The following OR51B5 variants were observed in gnomAD, a reference collection of about 807,000 sequenced individuals.
The protein encoded by OR51B5 is olfactory receptor 51B5.
For synonymous variants in OR51B5, 186 were observed against 144.8 expected, an observed-to-expected ratio of 1.28 and a Z score of -2.04; for missense variants, 456 against 374.6, an observed-to-expected ratio of 1.22 and a Z score of -1.79.
At chr11:5,505,216 G>A (rs1297549153) in intron 1 of OR51B5, 1 of 948,530 alleles carries the variant, frequency 1.1e-6, no homozygotes, top group East Asian at 6.8e-5. Flanking sequence ...TGGCTCAAAT[G>A]GAAGGCAGAT....
intron 1 of OR51B5, among the ~76,000 whole-genome samples, chr11:5,374,883 A>T: frequency 6.6e-6 from 1 of 152,038 alleles, no homozygotes; most frequent in African/African-American, 2.4e-5. Flanking sequence ...TGACGGGGAG[A>T]ATCGAACCAA....
At chr11:5,368,589 G>A (rs10500638) in intron 1 of OR51B5, among the ~76,000 whole-genome samples, 90,269 of 151,932 alleles carry the variant, frequency 0.59, 26,931 homozygotes, top group South Asian at 0.7. Context: ...TCTCACAATC[G>A]TAATACTTGA....
intron 1 of OR51B5, among the ~76,000 whole-genome samples, chr11:5,399,265 A>G (rs1030183740): frequency 6.6e-6 from 1 of 152,212 alleles, no homozygotes; most frequent in Non-Finnish European, 1.5e-5. Context: ...TGGTCTGAGT[A>G]TCAGTGAGCC....
intron 1 of OR51B5, among the ~76,000 whole-genome samples, chr11:5,503,193 T>C (rs1846322372): frequency 6.6e-6 from 1 of 152,170 alleles, no homozygotes; most frequent in South Asian, 2.1e-4. Flanking sequence ...ATTAGAAGAG[T>C]AGAGGCTTTG....
chr11:5,482,143 G>A lies in OR51B5; in HGVS notation n.84+23426C>T, dbSNP rs1440126108. On this transcript the variant is annotated intron_variant and non_coding_transcript_variant, in intron 1 of 4. Coordinates refer to the OR51B5 transcript ENST00000415970. ...ACAATAACCAAAACAGCATGGTACT[G>A]GTACCAAAACAGAGATATAGATCAA... Among the ~76,000 whole-genome samples, 4 of 114,558 alleles carry A rather than the reference G, an allele frequency of 3.5e-5. 1 individual carries two copies. The highest frequency in any genetic ancestry group is 5.1e-5 in the Non-Finnish European group (3 of 58,268). 75.2% of individuals were successfully genotyped at this position (114,558 alleles called of 152,430 possible). A position where few individuals can be genotyped will look rare whatever the true frequency, so the allele number is the denominator to read the frequency against.
intron 1 of OR51B5, among the ~76,000 whole-genome samples, chr11:5,438,362 C>CG (rs1491275319): frequency 1.6e-5 from 2 of 125,694 alleles, no homozygotes; most frequent in African/African-American, 5.5e-5. Context: ...AACACCCCCC[C>CG]CCAGTTATCC....
chr11:5,488,948 T>C (rs1299677897), intron 1 of OR51B5: 1 of 1,614,122 alleles, frequency 6.2e-7, no homozygotes, highest in South Asian at 1.1e-5. Flanking sequence ...TCTACCACTG[T>C]GCCCAAGATG....
intron 1 of OR51B5, among the ~76,000 whole-genome samples, chr11:5,426,733 C>A (rs1009793935): frequency 6.6e-6 from 1 of 152,106 alleles, no homozygotes; most frequent in Non-Finnish European, 1.5e-5. Flanking sequence ...AAACCAAGGT[C>A]TCTCTCTGTC....
chr11:5,414,286 T>C (rs1008483606), intron 1 of OR51B5, among the ~76,000 whole-genome samples: 4 of 149,252 alleles, frequency 2.7e-5, no homozygotes, highest in Non-Finnish European at 6.0e-5. Flanking sequence ...AAGGAAGCAC[T>C]AAACATGGAA....
chr11:5,486,661 C>T (rs1022036852), intron 1 of OR51B5, among the ~76,000 whole-genome samples: 2 of 152,134 alleles, frequency 1.3e-5, no homozygotes, highest in African/African-American at 4.8e-5. Context: ...CTCTCCTCTG[C>T]ATTTTAAACC....
chr11:5,427,432 G>A (rs1850467446), intron 1 of OR51B5, among the ~76,000 whole-genome samples: 1 of 152,188 alleles, frequency 6.6e-6, no homozygotes, highest in African/African-American at 2.4e-5. Flanking sequence ...AGACACAAGG[G>A]GAAAAGCCTT....
At chr11:5,500,603 G>A (rs549340387) in intron 1 of OR51B5, among the ~76,000 whole-genome samples, 12 of 147,946 alleles carry the variant, frequency 8.1e-5, no homozygotes, top group East Asian at 2.0e-4. Flanking sequence ...AAGCCGCTTC[G>A]ACGAGGACAT....
At chr11:5,424,405 C>T (rs1850410871) in intron 1 of OR51B5, among the ~76,000 whole-genome samples, 4 of 152,092 alleles carry the variant, frequency 2.6e-5, no homozygotes, top group Admixed American at 2.6e-4. Context: ...TGAAAGAGTC[C>T]TGCTACCAGG....
chr11:5,464,051 T>A (rs551952310), intron 1 of OR51B5, among the ~76,000 whole-genome samples: 1 of 152,296 alleles, frequency 6.6e-6, no homozygotes, highest in East Asian at 1.9e-4. Flanking sequence ...GGAAATTGCT[T>A]TTTTATGATG....
At chr11:5,486,814 C>T (rs1353113418) in intron 1 of OR51B5, among the ~76,000 whole-genome samples, 1 of 152,096 alleles carries the variant, frequency 6.6e-6, no homozygotes. Flanking sequence ...CATCGGTCAT[C>T]AGTTATCTTT....
chr11:5,413,173 C>T (rs1850178721), intron 1 of OR51B5, among the ~76,000 whole-genome samples: 1 of 152,232 alleles, frequency 6.6e-6, no homozygotes, highest in South Asian at 2.1e-4. Context: ...CCCAGGCAAA[C>T]AGGGCCTGGC....
intron 1 of OR51B5, among the ~76,000 whole-genome samples, chr11:5,482,664 A>C (rs1851441921): frequency 9.1e-6 from 1 of 110,240 alleles, no homozygotes; most frequent in African/African-American, 3.7e-5. Flanking sequence ...TTACAGGAAA[A>C]AAACAAACAA....
At chr11:5,463,246 CAAAT>C (rs898103947) in intron 1 of OR51B5, among the ~76,000 whole-genome samples, 13 of 152,250 alleles carry the variant, frequency 8.5e-5, no homozygotes, top group East Asian at 3.9e-4. Context: ...AATATTTGCA[CAAAT>C]AAATAGTTGC....
At chr11:5,471,764 C>A (rs1480150796) in intron 1 of OR51B5, among the ~76,000 whole-genome samples, 1 of 152,034 alleles carries the variant, frequency 6.6e-6, no homozygotes, top group Non-Finnish European at 1.5e-5. Flanking sequence ...CATCTAATAA[C>A]TGAGTTTTTA....
Sources: allele counts gnomAD v4.1 joint callset (sites outside exome capture counted in the v4.1 genomes callset), GRCh38; gene constraint gnomAD v4.1.1; transcripts MANE v1.5; gene names NCBI Gene and HGNC (gene_info 2026-07-23, HGNC 2026-07-21).